The following COP1 variants were observed in gnomAD, a reference collection of about 807,000 sequenced individuals.
The protein encoded by COP1 is E3 ubiquitin-protein ligase COP1.
A neutral mutation model predicts 101.3 loss-of-function variants in COP1; 24 were observed. The observed-to-expected ratio is 0.24, with a 90% CI of 0.17 to 0.33. The LOEUF (loss-of-function observed/expected upper bound fraction) is 0.33, where lower values mean the gene tolerates loss of function less well. COP1 is among the 10% of genes least tolerant of loss of function. COP1 has a pLI of 1.00. For synonymous variants in COP1, 347 were observed against 341.9 expected (o/e 1.01, Z -0.17); for missense variants, 663 against 906.2 (o/e 0.73, Z 3.45).
At chr1:175,950,173 T>C (rs1649694565) in intron 18 of COP1, among the ~76,000 whole-genome samples, 1 of 151,966 alleles carries the variant, frequency 6.6e-6, no homozygotes, top group Non-Finnish European at 1.5e-5. Flanking sequence ...GGTTAACTCT[T>C]AACACTATTT....
chr1:176,058,477 G>C (rs1203473927), intron 11 of COP1, among the ~76,000 whole-genome samples: 1 of 152,116 alleles, frequency 6.6e-6, no homozygotes, highest in Non-Finnish European at 1.5e-5. Flanking sequence ...TGTGCTCTCT[G>C]AAACATGTGC....
chr1:175,960,093 CAG>C (rs1651152649), intron 18 of COP1, among the ~76,000 whole-genome samples: 1 of 152,156 alleles, frequency 6.6e-6, no homozygotes, highest in South Asian at 2.1e-4. Flanking sequence ...AACAATTTTA[CAG>C]AGTTTTCTAT....
intron 9 of COP1, among the ~76,000 whole-genome samples, chr1:176,086,786 A>G (rs1391374480): frequency 6.6e-6 from 1 of 152,220 alleles, no homozygotes; most frequent in African/African-American, 2.4e-5. Context: ...ACCAAAAAAG[A>G]GCCCACATTG....
chr1:176,149,890 T>C (rs1692148136), intron 5 of COP1, among the ~76,000 whole-genome samples: 3 of 152,102 alleles, frequency 2.0e-5, no homozygotes. Flanking sequence ...TAATTTTTTC[T>C]TATATACTTG....
intron 15 of COP1, among the ~76,000 whole-genome samples, chr1:175,999,819 A>G (rs1041974637): frequency 1.3e-5 from 2 of 152,070 alleles, no homozygotes; most frequent in East Asian, 1.9e-4. Context: ...GGGTGAGATA[A>G]TATCTCATTG....
chr1:176,195,046 C>T (rs911254270), intron 1 of COP1, among the ~76,000 whole-genome samples: 1 of 151,698 alleles, frequency 6.6e-6, no homozygotes, highest in African/African-American at 2.4e-5. Flanking sequence ...GTGATCACGC[C>T]ACTGCACTCC....
chr1:176,110,517 A>G (rs1236714107), intron 9 of COP1, among the ~76,000 whole-genome samples: 1 of 152,214 alleles, frequency 6.6e-6, no homozygotes, highest in Non-Finnish European at 1.5e-5. Flanking sequence ...TTCAAAAGTC[A>G]TCTATACTTT....
chr1:175,993,806 T>C (rs913695837), intron 15 of COP1, among the ~76,000 whole-genome samples: 16 of 152,174 alleles, frequency 1.1e-4, no homozygotes, highest in African/African-American at 3.1e-4. Context: ...TGGAACCAAG[T>C]TGGAAAACAC....
intron 18 of COP1, among the ~76,000 whole-genome samples, chr1:175,969,782 T>C (rs1352840953): frequency 1.3e-5 from 2 of 152,166 alleles, no homozygotes; most frequent in African/African-American, 4.8e-5. Context: ...TGGCACACTA[T>C]AGGCACTAAA....
intron 15 of COP1, among the ~76,000 whole-genome samples, chr1:176,004,646 G>T (rs1162348918): frequency 6.6e-6 from 1 of 151,832 alleles, no homozygotes; most frequent in Admixed American, 6.6e-5. Context: ...TTATATGCTG[G>T]ATTACATTTA....
rs141010653 is a variant in COP1, at chr1:175,999,671, T to C, written c.1730-10192A>G. On this transcript the variant is annotated intron_variant, in intron 15 of 19. Coordinates refer to ENST00000367669, the MANE Select transcript of COP1 (RefSeq NM_022457.7). Reference sequence around the variant, plus strand: ...AATATGGTAGCTCTAGTTTTAATTTTTTAGGAATCTCCAAACCAATCTTCA... The same window carrying C: ...AATATGGTAGCTCTAGTTTTAATTTCTTAGGAATCTCCAAACCAATCTTCA... Among the ~76,000 whole-genome samples the C allele has an allele frequency of 2.6e-3, 399 of 152,184 alleles. 3 individuals are homozygous for C. The highest frequency in any genetic ancestry group is 9.2e-3 in the African/African-American group (381 of 41,546).
In COP1 at chr1:176,125,163, G is replaced by A. The variant is rs139471229; in HGVS notation, c.969-8482C>T. On this transcript the variant is annotated intron_variant, in intron 8 of 19. Transcript: ENST00000367669. ...CGTATATTCTGGTTATTAATCCCTT[G>A]TCAGATGAGTAGTCTGCAAATATTT... Among the ~76,000 whole-genome samples the A allele has an allele frequency of 2.6e-3, 398 of 151,944 alleles. 3 individuals are homozygous for A. The highest frequency in any genetic ancestry group is 9.2e-3 in the African/African-American group (380 of 41,410).
At chr1:176,177,389 T>C (rs900977780) in intron 2 of COP1, among the ~76,000 whole-genome samples, 1 of 151,094 alleles carries the variant, frequency 6.6e-6, no homozygotes, top group Non-Finnish European at 1.5e-5. Flanking sequence ...TTATTATACA[T>C]ACTGCTGAAT....
chr1:176,054,807 T>C (rs926647468), intron 11 of COP1, among the ~76,000 whole-genome samples: 21 of 152,316 alleles, frequency 1.4e-4, no homozygotes, highest in Admixed American at 9.1e-4. Flanking sequence ...ATACCTCTTA[T>C]ATTCCTATAT....
chr1:176,171,641 G>C (rs1696081588), intron 3 of COP1, among the ~76,000 whole-genome samples: 1 of 151,910 alleles, frequency 6.6e-6, no homozygotes, highest in African/African-American at 2.4e-5. Flanking sequence ...GTGGAAAAGT[G>C]GCATCAAGAG....
At chr1:176,186,203 G>A (rs758798328) in intron 1 of COP1, among the ~76,000 whole-genome samples, 6 of 151,980 alleles carry the variant, frequency 3.9e-5, no homozygotes, top group African/African-American at 1.2e-4. Flanking sequence ...ATACCTAATC[G>A]TTAGCATTTT....
intron 8 of COP1, among the ~76,000 whole-genome samples, chr1:176,118,122 G>A (rs528387308): frequency 2.6e-5 from 4 of 152,112 alleles, no homozygotes; most frequent in Non-Finnish European, 4.4e-5. Flanking sequence ...CTGACTCTGG[G>A]CAAGTGATTA....
intron 15 of COP1, among the ~76,000 whole-genome samples, chr1:176,021,881 AAAC>A (rs1283437228): frequency 1.3e-5 from 2 of 152,226 alleles, no homozygotes; most frequent in African/African-American, 4.8e-5. Context: ...GTCTGATTGA[AAAC>A]AACGTGGATT....
intron 18 of COP1, among the ~76,000 whole-genome samples, chr1:175,951,898 T>C (rs1649971374): frequency 6.6e-6 from 1 of 152,130 alleles, no homozygotes; most frequent in Non-Finnish European, 1.5e-5. Context: ...ACTAAAATGT[T>C]TCAAATTTGT....
Sources: gnomAD v4.1 joint callset for allele counts (sites outside exome capture counted in the v4.1 genomes callset) on GRCh38, gnomAD v4.1.1 for gene constraint, MANE v1.5 for transcripts, NCBI Gene and HGNC (gene_info 2026-07-23, HGNC 2026-07-21) for gene names.